The following CCDC7 variants were observed in gnomAD, a reference collection of about 807,000 sequenced individuals.
CCDC7 encodes coiled-coil domain containing 7.
CCDC7 carries 183 observed loss-of-function variants against 196.9 expected under a neutral mutation model. The observed-to-expected ratio is 0.93, with a 90% CI of 0.82 to 1.05. The LOEUF (loss-of-function observed/expected upper bound fraction) is 1.05. Among genes scored for constraint, CCDC7 ranks in the 50% least tolerant of loss-of-function variants. CCDC7 has a pLI of 0.00. For synonymous variants in CCDC7, 525 were observed against 484.6 expected (o/e 1.08, Z -1.10); for missense variants, 1,540 against 1,482.2 (o/e 1.04, Z -0.64).
At chr10:32,868,198 G>A (rs1008981370) in intron 41 of CCDC7, among the ~76,000 whole-genome samples, 12 of 151,856 alleles carry the variant, frequency 7.9e-5, no homozygotes, top group Admixed American at 2.0e-4. Flanking sequence ...TCTACCTTTT[G>A]GCTATTTTGA....
At chr10:32,605,615 G>A (rs2061491447) in intron 18 of CCDC7, among the ~76,000 whole-genome samples, 1 of 152,330 alleles carries the variant, frequency 6.6e-6, no homozygotes, top group South Asian at 2.1e-4. Flanking sequence ...TTATGCCTTA[G>A]CAAAGAATTT....
chr10:32,748,767 T>C (rs2075220111), intron 28 of CCDC7, among the ~76,000 whole-genome samples: 1 of 152,196 alleles, frequency 6.6e-6, no homozygotes, highest in Admixed American at 6.5e-5. Context: ...CATGTAGGCT[T>C]GTTAGGCTCT....
intron 24 of CCDC7, among the ~76,000 whole-genome samples, chr10:32,699,225 C>T (rs2078236679): frequency 9.0e-6 from 1 of 111,406 alleles, no homozygotes. Context: ...CCACAACAGG[C>T]CTTGTGTGTG....
In CCDC7 at chr10:32,747,255, A is replaced by G. The variant is rs529155972; in HGVS notation, c.2905+17798A>G. Among the ~76,000 whole-genome samples, 4 of 152,356 alleles carry G rather than the reference A, an allele frequency of 2.6e-5. No individual in the cohort carries two copies. In the East Asian group the frequency reaches 5.8e-4, roughly 22 times the overall value. The stretch of plus-strand genomic sequence containing the variant: ...AGACTTAAATGTAAAACCTACAACT[A>G]TAAAAACCCTAGAAGGAAACCTAGG... On this transcript the variant is annotated intron_variant, in intron 28 of 41. Transcript: ENST00000639629.
intron 5 of CCDC7, among the ~76,000 whole-genome samples, chr10:32,470,422 G>A (rs573043941): frequency 2.0e-5 from 3 of 152,172 alleles, no homozygotes; most frequent in Non-Finnish European, 4.4e-5. Context: ...TTTTGCTGTG[G>A]TTTTTGGACA....
In CCDC7 at chr10:32,689,116, A is replaced by G. The variant is rs774223920; in HGVS notation, c.2297A>G (p.Glu766Gly). 43 of 1,608,344 alleles carry G rather than the reference A, an allele frequency of 2.7e-5. No homozygotes were observed. In the Admixed American group the frequency reaches 7.2e-4, roughly 27 times the overall value. ...CATCAAGACTCAATGTCAAAATCAG[A>G]AATGCAAGTGAAGGAACAAAGAACT... Residue 766 changes from glutamate (E) to glycine (G), a missense_variant, in exon 23 of 42, where the codon GAA becomes GGA. Coordinates refer to ENST00000639629, the Ensembl canonical transcript of CCDC7.
At chr10:32,619,472 A>G (rs1470694511) in intron 18 of CCDC7, among the ~76,000 whole-genome samples, 1 of 152,188 alleles carries the variant, frequency 6.6e-6, no homozygotes, top group Non-Finnish European at 1.5e-5. Context: ...ATTTGATCAA[A>G]TTAATATAAA....
intron 13 of CCDC7, among the ~76,000 whole-genome samples, chr10:32,552,811 T>C (rs1318659428): frequency 6.6e-6 from 1 of 152,222 alleles, no homozygotes; most frequent in Non-Finnish European, 1.5e-5. Context: ...TAGGTTTTCC[T>C]TTATAGGTTA....
intron 21 of CCDC7, among the ~76,000 whole-genome samples, chr10:32,666,539 A>C (rs1591341464): frequency 2.1e-5 from 2 of 95,380 alleles, no homozygotes; most frequent in African/African-American, 4.1e-5. Flanking sequence ...CCCCCACCCC[A>C]TGATAGGCCC....
chr10:32,590,189 A>T (rs185390992), intron 18 of CCDC7, among the ~76,000 whole-genome samples: 7 of 151,962 alleles, frequency 4.6e-5, no homozygotes, highest in Admixed American at 2.0e-4. Context: ...CTCTGGTGGC[A>T]TGTAGTAATT....
At chr10:32,878,200 A>G (rs2094658950), downstream of CCDC7, among the ~76,000 whole-genome samples, 1 of 151,910 alleles carries the variant, frequency 6.6e-6, no homozygotes, top group African/African-American at 2.4e-5. Flanking sequence ...TGTGACTGGG[A>G]ATCTAGATTT....
intron 9 of CCDC7, chr10:32,512,016 T>G: frequency 2.5e-6 from 1 of 395,926 alleles, no homozygotes; most frequent in Non-Finnish European, 4.6e-6. Flanking sequence ...AATAGACATA[T>G]TCTTCAGGAT....
chr10:32,623,974 C>T (rs1373056408), intron 18 of CCDC7, among the ~76,000 whole-genome samples: 1 of 152,128 alleles, frequency 6.6e-6, no homozygotes, highest in East Asian at 1.9e-4. Flanking sequence ...CCCACCGGGC[C>T]CCACTTTCAA....
At chr10:32,446,948 TC>T (rs2031404274), upstream of CCDC7, among the ~76,000 whole-genome samples, 1 of 14,612 alleles carries the variant, frequency 6.8e-5, no homozygotes, top group African/African-American at 8.7e-4. Flanking sequence ...CTTCCCTTCC[TC>T]CCTCCCTCCC....
At chr10:32,694,637 A>G (rs2077477205) in intron 23 of CCDC7, among the ~76,000 whole-genome samples, 1 of 152,184 alleles carries the variant, frequency 6.6e-6, no homozygotes, top group Admixed American at 6.5e-5. Context: ...AGTATAAATA[A>G]CATAAGGAAA....
At chr10:32,618,154 A>G (rs2062980565) in intron 18 of CCDC7, among the ~76,000 whole-genome samples, 2 of 151,918 alleles carry the variant, frequency 1.3e-5, no homozygotes, top group South Asian at 4.1e-4. Flanking sequence ...TCTTATAGGA[A>G]GAATGTAATT....
chr10:32,463,049 A>G (rs769816144), exon 5 of CCDC7: 2 of 1,613,340 alleles, frequency 1.2e-6, no homozygotes, highest in Non-Finnish European at 1.7e-6. Flanking sequence ...AGATGGAAGA[A>G]GTAAGTCTAA....
chr10:32,695,501 A>AAGGTTCAT (rs2077596980), intron 24 of CCDC7, among the ~76,000 whole-genome samples: 3 of 152,200 alleles, frequency 2.0e-5, no homozygotes, highest in African/African-American at 7.2e-5. Context: ...GTAACCTGAT[A>AAGGTTCAT]GATGGTGTCA....
intron 21 of CCDC7, among the ~76,000 whole-genome samples, chr10:32,668,693 A>G (rs557468077): frequency 6.6e-6 from 1 of 152,206 alleles, no homozygotes; most frequent in East Asian, 1.9e-4. Context: ...GTGTATGTTG[A>G]ACCAGCCTTG....
Sources: allele counts gnomAD v4.1 joint callset (sites outside exome capture counted in the v4.1 genomes callset), GRCh38; gene constraint gnomAD v4.1.1; transcripts MANE v1.5; gene names NCBI Gene and HGNC (gene_info 2026-07-23, HGNC 2026-07-21).